PLBD1: variants seen among roughly 807,000 people sequenced by gnomAD.
PLBD1 encodes the protein phospholipase B domain containing 1, also known as lysosomal leucine aminopeptidase.
A neutral mutation model predicts 63.0 loss-of-function variants in PLBD1; 60 were observed. That is an observed-to-expected ratio of 0.95 (90% CI 0.77 to 1.18). The LOEUF (loss-of-function observed/expected upper bound fraction) is 1.18, where lower values mean the gene tolerates loss of function less well. PLBD1 is among the 50% of genes most tolerant of loss of function. The pLI is 0.00. For synonymous variants in PLBD1, 262 were observed against 248.0 expected, an observed-to-expected ratio of 1.06 and a Z score of -0.53; for missense variants, 598 against 677.9, an observed-to-expected ratio of 0.88 and a Z score of 1.31.
chr12:14,536,848 G>A, intron 4 of PLBD1, 138 bp from the exon 5 acceptor site: 2 of 1,131,568 alleles, frequency 1.8e-6, no homozygotes, highest in South Asian at 3.0e-5. Context: ...CAGCACTTTG[G>A]GAGGCCAACG....
chr12:14,515,921 G>A (rs950565348), intron 6 of PLBD1, among the ~76,000 whole-genome samples: 5 of 150,750 alleles, frequency 3.3e-5, no homozygotes, highest in East Asian at 1.9e-4. Context: ...TTAGCCGGGC[G>A]TGGTGTAGTC....
At chr12:14,515,805 T>C (rs1761473492) in intron 6 of PLBD1, among the ~76,000 whole-genome samples, 1 of 152,022 alleles carries the variant, frequency 6.6e-6, no homozygotes, top group South Asian at 2.1e-4. Context: ...TCCCAGCACT[T>C]TGGGAGACCG....
At chr12:14,511,856 C>G in intron 6 of PLBD1, 145 bp from the exon 7 acceptor site, 1 of 794,102 alleles carries the variant, frequency 1.3e-6, no homozygotes, top group South Asian at 1.7e-5. Flanking sequence ...CCTCCCCCAG[C>G]TTTGGCTCAC....
chr12:14,518,601 G>A (rs1293831058), intron 6 of PLBD1, among the ~76,000 whole-genome samples: 5 of 152,120 alleles, frequency 3.3e-5, no homozygotes, highest in African/African-American at 1.2e-4. Flanking sequence ...TTTATTGCCC[G>A]TCTTTCTTTC....
At chr12:14,504,028 C>T (rs1945227913) in intron 10 of PLBD1, 74 bp from the exon 11 acceptor site, 23 of 1,361,944 alleles carry the variant, frequency 1.7e-5, no homozygotes, top group Non-Finnish European at 2.2e-5. Context: ...GCCTTCCCCA[C>T]TCTCCCACTA....
chr12:14,542,404 C>T, intron 2 of PLBD1, 113 bp from the exon 3 acceptor site: 1 of 716,612 alleles, frequency 1.4e-6, no homozygotes, highest in Non-Finnish European at 2.3e-6. Context: ...ACAAACTCTG[C>T]CTACTATCTT....
intron 2 of PLBD1, among the ~76,000 whole-genome samples, chr12:14,552,147 A>C (rs1461746685): frequency 6.6e-6 from 1 of 152,200 alleles, no homozygotes; most frequent in Non-Finnish European, 1.5e-5. Flanking sequence ...TAACAGCCCA[A>C]GTAAAGTTTG....
intron 5 of PLBD1, 155 bp from the exon 6 acceptor site, chr12:14,535,958 C>G (rs1389214850): frequency 2.9e-6 from 2 of 690,732 alleles, no homozygotes; most frequent in Non-Finnish European, 4.7e-6. Context: ...TCAAGATTAA[C>G]CTTTAATGTG....
chr12:14,517,915 T>C (rs983931567), intron 6 of PLBD1, among the ~76,000 whole-genome samples: 2 of 152,218 alleles, frequency 1.3e-5, no homozygotes, highest in Admixed American at 1.3e-4. Context: ...GCACAGTGGC[T>C]CACGCCTGTA....
chr12:14,539,543 T>C (rs888439313), intron 4 of PLBD1, among the ~76,000 whole-genome samples: 1 of 152,074 alleles, frequency 6.6e-6, no homozygotes. Context: ...CCCAGCACTT[T>C]GGGAGGTTGA....
chr12:14,529,888 G>C (rs1168838693), intron 6 of PLBD1, among the ~76,000 whole-genome samples: 1 of 152,136 alleles, frequency 6.6e-6, no homozygotes, highest in Non-Finnish European at 1.5e-5. Context: ...CTACAAAAAA[G>C]CTATTAGAAA....
rs1266982270 is a variant in PLBD1 at position 14,507,093 on chromosome 12, A to G, written c.1212T>C (p.Pro404=). Residue 404 remains proline, a synonymous_variant, in exon 9 of 11, where the codon CCT becomes CCC. Coordinates refer to ENST00000240617, the MANE Select transcript of PLBD1 (RefSeq NM_024829.6). ...RKGYWPSYNV[P]FHEKIYNWSG... The stretch of plus-strand genomic sequence containing the variant: ...TCCAGTTGTAGATTTTTTCATGGAA[A>G]GGAACATTGTAGGAGGGCCAATATC... 6.2e-7 allele frequency: 1 copy of G among 1,612,170 alleles called. No homozygotes were observed. The highest frequency in any genetic ancestry group is 8.5e-7 in the Non-Finnish European group (1 of 1,178,486).
rs533532366 is a variant in PLBD1, at chr12:14,504,234, G to A, written c.1480-280C>T. On this transcript the variant is annotated intron_variant, in intron 10 of 10. Coordinates refer to ENST00000240617, the MANE Select transcript of PLBD1 (RefSeq NM_024829.6). ...CCAGGTAATTTTTATATTTTTAGTA[G>A]AGATGGGGTTTTGCCTTGTTGGCCA... Among the ~76,000 whole-genome samples the A allele has an allele frequency of 7.9e-5, 12 of 152,264 alleles. No homozygotes were observed. In the East Asian group the frequency reaches 2.1e-3, roughly 27 times the overall value.
intron 10 of PLBD1, among the ~76,000 whole-genome samples, chr12:14,505,664 T>C (rs991364349): frequency 2.6e-5 from 4 of 152,230 alleles, no homozygotes; most frequent in African/African-American, 9.6e-5. Flanking sequence ...AATTCTAACA[T>C]TGTGAAAAAC....
chr12:14,563,472 C>T (rs1427493420), intron 1 of PLBD1, among the ~76,000 whole-genome samples: 1 of 152,044 alleles, frequency 6.6e-6, no homozygotes, highest in Non-Finnish European at 1.5e-5. Flanking sequence ...GAGCCAAGAT[C>T]GCGCCTTTGC....
At position 14,511,345 on chromosome 12, in the gene PLBD1, G is replaced by C; in HGVS notation, c.1101C>G (p.His367Gln). 1 of 1,613,394 alleles carries C rather than the reference G, an allele frequency of 6.2e-7. No individual in the cohort carries two copies. Among genetic ancestry groups the C allele is most frequent in the Non-Finnish European group, 8.5e-7 (1 of 1,179,440 alleles). ...TGTACAGAGTGCCTTTGTCAAGACT[G>C]TGGTTCAGCTTTACTTTCTTCAGGT... is the stretch of plus-strand genomic sequence containing the variant. ...VLDLKKVKLN[H>Q]SLDKGTLYIV... Residue 367 changes from histidine to glutamine, a missense_variant, in exon 8 of 11, where the codon CAC becomes CAG. Physicochemically the swap from His to Gln is conservative, Grantham distance 24 (BLOSUM62 0). Transcript: ENST00000240617.
intron 6 of PLBD1, among the ~76,000 whole-genome samples, chr12:14,530,872 T>C (rs1055334356): frequency 3.9e-5 from 6 of 152,226 alleles, no homozygotes; most frequent in African/African-American, 1.2e-4. Context: ...TACTCAGCCT[T>C]AGCTGTTACT....
intron 6 of PLBD1, among the ~76,000 whole-genome samples, chr12:14,532,609 G>A (rs1324134592): frequency 6.6e-6 from 1 of 152,146 alleles, no homozygotes; most frequent in Non-Finnish European, 1.5e-5. Flanking sequence ...CCAGGACCAG[G>A]CCATAGGCTT....
At chr12:14,536,792 A>C (rs990328717) in intron 4 of PLBD1, 82 bp from the exon 5 acceptor site, 35 of 1,543,718 alleles carry the variant, frequency 2.3e-5, no homozygotes, top group Non-Finnish European at 2.9e-5. Context: ...GGACCCATTA[A>C]ATTATTCCCT....
Sources: gnomAD v4.1 joint callset for allele counts (sites outside exome capture counted in the v4.1 genomes callset) on GRCh38, gnomAD v4.1.1 for gene constraint, MANE v1.5 for transcripts, NCBI Gene and HGNC (gene_info 2026-07-23, HGNC 2026-07-21) for gene names.